SLC44A1: variants seen among roughly 807,000 people sequenced by gnomAD.
SLC44A1 encodes choline transporter-like protein 1.
Under a neutral mutation model 79.3 loss-of-function variants are expected in SLC44A1, and 26 were observed. The observed-to-expected ratio is 0.33, with a 90% CI of 0.24 to 0.46. The LOEUF (loss-of-function observed/expected upper bound fraction) is 0.46, where lower values mean the gene tolerates loss of function less well. Among genes scored for constraint, SLC44A1 ranks in the 20% least tolerant of loss-of-function variants. SLC44A1 has a pLI of 1.00. For missense variants in SLC44A1, 688 were observed against 798.1 expected, an observed-to-expected ratio of 0.86 and a Z score of 1.66; for synonymous variants, 263 against 286.2, an observed-to-expected ratio of 0.92 and a Z score of 0.82.
intron 1 of SLC44A1, among the ~76,000 whole-genome samples, chr9:105,283,747 C>T (rs1291412380): frequency 6.6e-6 from 1 of 152,190 alleles, no homozygotes; most frequent in Admixed American, 6.5e-5. Flanking sequence ...TCTCATTCCA[C>T]CTTATGAGAT....
rs190696470 is a variant in SLC44A1 at position 105,361,147 on chromosome 9, C to G, written c.761-44C>G. The G allele has an allele frequency of 6.1e-5, 97 of 1,591,150 alleles. No homozygotes were observed. The Middle Eastern group carries it at 1.2e-3, about 19-fold the overall frequency. On this transcript the variant is annotated intron_variant, in intron 7 of 15. Coordinates refer to ENST00000374720, the MANE Select transcript of SLC44A1 (RefSeq NM_080546.5). The stretch of plus-strand genomic sequence containing the variant: ...ATTGAGAATTTATGTTACACATTTT[C>G]TTATCCTAATTATTGCATTAACAGT...
At chr9:105,326,941 G>A (rs1158301228) in intron 3 of SLC44A1, among the ~76,000 whole-genome samples, 2 of 152,102 alleles carry the variant, frequency 1.3e-5, no homozygotes, top group African/African-American at 2.4e-5. Flanking sequence ...CTTGTCCTTC[G>A]GTACTCTGCT....
intron 13 of SLC44A1, among the ~76,000 whole-genome samples, chr9:105,376,091 C>T (rs1047689102): frequency 6.6e-6 from 1 of 151,868 alleles, no homozygotes; most frequent in African/African-American, 2.4e-5. Context: ...ACTATTGAAC[C>T]CTTAGGTTGC....
intron 13 of SLC44A1, among the ~76,000 whole-genome samples, chr9:105,382,465 T>C (rs905382011): frequency 2.0e-5 from 3 of 152,216 alleles, no homozygotes; most frequent in Admixed American, 2.0e-4. Flanking sequence ...GCAAATTATA[T>C]TTACCACATA....
intron 1 of SLC44A1, among the ~76,000 whole-genome samples, chr9:105,274,690 G>C (rs749642203): frequency 2.0e-5 from 3 of 152,216 alleles, no homozygotes; most frequent in Non-Finnish European, 4.4e-5. Flanking sequence ...AGTATGGGTA[G>C]AGTAAATAAC....
chr9:105,398,864 C>G (rs1420016926), downstream of SLC44A1, among the ~76,000 whole-genome samples: 1 of 152,112 alleles, frequency 6.6e-6, no homozygotes, highest in African/African-American at 2.4e-5. Context: ...TTTCCTGGGC[C>G]ACACTGGAAG....
chr9:105,357,043 A>T (rs920092324), intron 6 of SLC44A1: 1 of 152,212 alleles, frequency 6.6e-6, no homozygotes, highest in Non-Finnish European at 1.5e-5. Context: ...CTATTTCATT[A>T]TATAAGTAAA....
chr9:105,282,937 G>T (rs1830393351), intron 1 of SLC44A1, among the ~76,000 whole-genome samples: 1 of 152,180 alleles, frequency 6.6e-6, no homozygotes, highest in South Asian at 2.1e-4. Flanking sequence ...CAGTCACTTG[G>T]AGATAACCCA....
intron 15 of SLC44A1, among the ~76,000 whole-genome samples, chr9:105,428,540 A>G (rs1050738318): frequency 6.6e-6 from 1 of 152,238 alleles, no homozygotes; most frequent in South Asian, 2.1e-4. Flanking sequence ...TACTTAGCCC[A>G]TCTAATTCTC....
intron 3 of SLC44A1, among the ~76,000 whole-genome samples, chr9:105,325,724 A>G (rs1231484156): frequency 6.6e-6 from 1 of 152,198 alleles, no homozygotes; most frequent in Non-Finnish European, 1.5e-5. Context: ...AAATTTCAAC[A>G]TGAGTTTTGG....
Position 105,389,883 on chromosome 9 carries a change from T to G in SLC44A1, c.*827T>G. 1 of 1,509,496 alleles carries G rather than the reference T, an allele frequency of 6.6e-7. No homozygotes were observed. Among genetic ancestry groups the G allele is most frequent in the South Asian group, 1.3e-5 (1 of 77,470 alleles). 93.5% of individuals were successfully genotyped at this position (1,509,496 alleles called of 1,614,324 possible). On this transcript the variant is annotated 3_prime_UTR_variant, in exon 16 of 16. Transcript: ENST00000374720. ...GCACCCAGCGAGTTTAGCCTTTAAG[T>G]TTCTGTGTATTGATTTGCAGATTAA... is the stretch of plus-strand genomic sequence containing the variant.
rs531922244 is a variant in SLC44A1 at position 105,416,383 on chromosome 9, G to A, written c.1951-21898G>A. ...CTACTATATGCCAGTATTCCTCTCA[G>A]GGAGGCTCACAGTTGAGGGATGGAG... On this transcript the variant is annotated intron_variant, in intron 15 of 15. Coordinates refer to the SLC44A1 transcript ENST00000374724. Among the ~76,000 whole-genome samples the A allele has an allele frequency of 2.8e-4, 42 of 152,240 alleles. 1 individual carries two copies. The South Asian group carries it at 8.7e-3, about 32-fold the overall frequency.
chr9:105,279,411 G>A (rs1260577004), intron 1 of SLC44A1, among the ~76,000 whole-genome samples: 1 of 148,816 alleles, frequency 6.7e-6, no homozygotes, highest in Non-Finnish European at 1.5e-5. Context: ...TCCGCCTCCC[G>A]GGTTCAGCTG....
intron 15 of SLC44A1, among the ~76,000 whole-genome samples, chr9:105,388,014 A>C (rs535018068): frequency 1.1e-4 from 16 of 152,204 alleles, no homozygotes; most frequent in Non-Finnish European, 2.4e-4. Context: ...GCTGTTCATC[A>C]GTTCATTGCT....
At chr9:105,299,946 G>T in intron 2 of SLC44A1, 1 of 985,368 alleles carries the variant, frequency 1.0e-6, no homozygotes, top group Non-Finnish European at 1.2e-6. Context: ...AGGTATTAAG[G>T]ATGTGCACAT....
intron 2 of SLC44A1, among the ~76,000 whole-genome samples, chr9:105,303,100 A>G (rs959804883): frequency 2.6e-5 from 4 of 152,138 alleles, no homozygotes; most frequent in African/African-American, 9.7e-5. Context: ...CTCAGCTCAA[A>G]TCCCACCCCA....
chr9:105,382,936 T>G (rs1030132790), intron 13 of SLC44A1, among the ~76,000 whole-genome samples, 187 bp from the exon 14 acceptor site: 1 of 152,224 alleles, frequency 6.6e-6, no homozygotes, highest in Admixed American at 6.5e-5. Flanking sequence ...AAATTTATAT[T>G]ATATGATAAG....
chr9:105,248,184 G>T (rs1829503039), intron 1 of SLC44A1, among the ~76,000 whole-genome samples: 1 of 152,200 alleles, frequency 6.6e-6, no homozygotes, highest in Non-Finnish European at 1.5e-5. Flanking sequence ...GCTCTGGCAG[G>T]TTTTATCAAT....
intron 3 of SLC44A1, among the ~76,000 whole-genome samples, chr9:105,327,756 C>A (rs1196251797): frequency 6.6e-6 from 1 of 152,122 alleles, no homozygotes; most frequent in Non-Finnish European, 1.5e-5. Context: ...TCTTTAGGTC[C>A]CAGCTTTAGA....
Sources: gnomAD v4.1 joint callset for allele counts (sites outside exome capture counted in the v4.1 genomes callset) on GRCh38, gnomAD v4.1.1 for gene constraint, MANE v1.5 for transcripts, NCBI Gene and HGNC (gene_info 2026-07-23, HGNC 2026-07-21) for gene names.